RAB3D: variants seen among roughly 807,000 people sequenced by gnomAD.
The protein encoded by RAB3D is RAB3D, member RAS oncogene family.
RAB3D carries 17 observed loss-of-function variants against 19.3 expected under a neutral mutation model. That is an observed-to-expected ratio of 0.88 (90% CI 0.60 to 1.32). The LOEUF (loss-of-function observed/expected upper bound fraction) is 1.32, where lower values mean the gene tolerates loss of function less well. Ranked by LOEUF, RAB3D falls within the 40% of genes most tolerant of loss-of-function variation. RAB3D has a pLI of 0.00. For missense variants in RAB3D, 223 were observed against 299.1 expected (o/e 0.75, Z 1.88); for synonymous variants, 103 against 119.9 (o/e 0.86, Z 0.92).
At chr19:11,333,425 G>A (rs1187470290) in intron 4 of RAB3D, among the ~76,000 whole-genome samples, 1 of 152,076 alleles carries the variant, frequency 6.6e-6, no homozygotes, top group Non-Finnish European at 1.5e-5. Flanking sequence ...AGTTCAAAGT[G>A]CAGGAAAGGG....
At chr19:11,329,010 C>T (rs1026953704) in intron 4 of RAB3D, among the ~76,000 whole-genome samples, 7 of 150,340 alleles carry the variant, frequency 4.7e-5, no homozygotes, top group South Asian at 2.1e-4. Context: ...TAACTCACTA[C>T]GGCCTTGACT....
chr19:11,327,485 G>A (rs768195318), intron 4 of RAB3D, among the ~76,000 whole-genome samples: 9 of 152,160 alleles, frequency 5.9e-5, no homozygotes, highest in South Asian at 2.1e-4. Flanking sequence ...TGCAACCTCC[G>A]TCTCCCGAGT....
At chr19:11,335,960 G>C (rs1300845844) in intron 2 of RAB3D, among the ~76,000 whole-genome samples, 177 bp from the exon 3 acceptor site, 1 of 152,258 alleles carries the variant, frequency 6.6e-6, no homozygotes, top group Non-Finnish European at 1.5e-5. Context: ...ACCCCAGTCT[G>C]ATGGGGGAGG....
Position 11,323,792 on chromosome 19 carries a change from T to C in RAB3D, c.*1606A>G, listed in dbSNP as rs1034784793. 3 of 152,384 alleles carry C rather than the reference T, an allele frequency of 2.0e-5. No individual in the cohort carries two copies. Among genetic ancestry groups the C allele is most frequent in the Admixed American group, 2.0e-4 (3 of 15,292 alleles). 9.4% of individuals were successfully genotyped at this position (152,384 alleles called of 1,614,324 possible). On this transcript the variant is annotated 3_prime_UTR_variant, in exon 5 of 5. Transcript: ENST00000222120. ...GGGCTGGGAGAGCAGACACAACCTC[T>C]GAAACAGAGTCAGGGACGTGGGAAC... is the stretch of plus-strand genomic sequence containing the variant.
intron 2 of RAB3D, among the ~76,000 whole-genome samples, 198 bp downstream of exon 2, chr19:11,336,974 G>GAAA (rs71164191): frequency 2.2e-5 from 2 of 90,238 alleles, no homozygotes; most frequent in Non-Finnish European, 2.3e-5. Context: ...TGTCTCGAGA[G>GAAA]AAAAAAAAAA....
intron 4 of RAB3D, among the ~76,000 whole-genome samples, chr19:11,326,580 A>G (rs73510642): frequency 0.035 from 5,278 of 152,282 alleles, 292 homozygotes; most frequent in African/African-American, 0.12. Flanking sequence ...AGGCATGGTC[A>G]GGAGACCCAT....
At position 11,324,259 on chromosome 19, in the gene RAB3D, G is replaced by GAAA; in HGVS notation, c.*1136_*1138dup. On this transcript the variant is annotated 3_prime_UTR_variant, in exon 5 of 5. Transcript: ENST00000222120. Reference sequence around the variant, plus strand: ...TGACAGAGCCAGACCATCTCAAAAAGAAAAAAAAAAAAAAAGAAGTGACTC... The same window carrying GAAA: ...TGACAGAGCCAGACCATCTCAAAAAGAAAAAAAAAAAAAAAAAAGAAGTGACTC... 3.0e-5 allele frequency: 3 copies of GAAA among 101,022 alleles called. No homozygotes were observed. Among genetic ancestry groups the GAAA allele is most frequent in the Non-Finnish European group, 6.4e-5 (3 of 47,058 alleles). 6.3% of individuals were successfully genotyped at this position (101,022 alleles called of 1,614,324 possible).
At chr19:11,335,635 A>C (rs1282886451) in intron 3 of RAB3D, 30 bp downstream of exon 3, 6 of 1,613,770 alleles carry the variant, frequency 3.7e-6, no homozygotes, top group Admixed American at 1.7e-5. Flanking sequence ...GAGGGCAAAG[A>C]TCAGGGGTCC....
intron 4 of RAB3D, 36 bp downstream of exon 4, chr19:11,335,411 G>T (rs1487712378): frequency 6.2e-7 from 1 of 1,611,670 alleles, no homozygotes; most frequent in Middle Eastern, 1.7e-4. Context: ...TTTGGTTCTG[G>T]GAGACCAGGG....
chr19:11,332,816 A>C (rs1040041435), intron 4 of RAB3D, among the ~76,000 whole-genome samples: 2 of 151,958 alleles, frequency 1.3e-5, no homozygotes, highest in Non-Finnish European at 2.9e-5. Flanking sequence ...GGCCGGGACT[A>C]TAAAAACCAA....
At position 11,339,589 on chromosome 19, in the gene RAB3D, C is replaced by G. The variant is rs1966931205; in HGVS notation, c.-182G>C. 1 of 152,398 alleles carries G rather than the reference C, an allele frequency of 6.6e-6. No homozygotes were observed. Among genetic ancestry groups the G allele is most frequent in the South Asian group, 2.1e-4 (1 of 4,836 alleles). 9.4% of individuals were successfully genotyped at this position (152,398 alleles called of 1,614,324 possible). On this transcript the variant is annotated 5_prime_UTR_variant, in exon 1 of 5. Coordinates refer to ENST00000222120, the MANE Select transcript of RAB3D (RefSeq NM_004283.4). ...GCTGCGGCTTGGCCCTGGCCGCGAC[C>G]CCGACCCCGCAGCCGCAGAAGCCAG... is the stretch of plus-strand genomic sequence containing the variant.
chr19:11,326,850 TC>T, intron 4 of RAB3D: 3 of 645,918 alleles, frequency 4.6e-6, no homozygotes, highest in Admixed American at 2.3e-5. Flanking sequence ...CCTAAAGCGA[TC>T]CCCCCGCCTA....
In RAB3D at chr19:11,326,873, G is replaced by A. The variant is rs762649435; in HGVS notation, c.473-1288C>T. On this transcript the variant is annotated intron_variant, in intron 4 of 4. Coordinates refer to ENST00000222120, the MANE Select transcript of RAB3D (RefSeq NM_004283.4). ...GATCCCCCCGCCTAGGCCTCCCAAA[G>A]TGCTGGGTTTACCAGCGTGAGCCAC... 11 of 609,628 alleles carry A rather than the reference G, an allele frequency of 1.8e-5. No individual in the cohort carries two copies. In the African/African-American group the frequency reaches 2.1e-4, roughly 11 times the overall value. 37.8% of individuals were successfully genotyped at this position (609,628 alleles called of 1,614,324 possible).
At chr19:11,328,675 G>T (rs1384109720) in intron 4 of RAB3D, among the ~76,000 whole-genome samples, 2 of 151,668 alleles carry the variant, frequency 1.3e-5, no homozygotes, top group Non-Finnish European at 2.9e-5. Context: ...ATATTAGCCA[G>T]GTGTGGTGGC....
intron 2 of RAB3D, 117 bp from the exon 3 acceptor site, chr19:11,335,900 G>T: frequency 1.1e-6 from 1 of 926,318 alleles, no homozygotes; most frequent in Non-Finnish European, 1.7e-6. Context: ...ACACAGACTT[G>T]CTTGTACAAC....
intron 4 of RAB3D, among the ~76,000 whole-genome samples, chr19:11,332,513 T>C (rs903989474): frequency 1.2e-4 from 18 of 152,260 alleles, no homozygotes; most frequent in African/African-American, 4.3e-4. Flanking sequence ...CTTAGCTAAT[T>C]TTTGCATTTT....
In RAB3D at chr19:11,339,533, C is replaced by A. The variant is rs1397138184; in HGVS notation, c.-126G>T. 6.6e-6 allele frequency: 1 copy of A among 152,386 alleles called. No homozygotes were observed. The highest frequency in any genetic ancestry group is 1.5e-5 in the Non-Finnish European group (1 of 68,194). 9.4% of individuals were successfully genotyped at this position (152,386 alleles called of 1,614,324 possible). On this transcript the variant is annotated 5_prime_UTR_variant, in exon 1 of 5. Coordinates refer to ENST00000222120, the MANE Select transcript of RAB3D (RefSeq NM_004283.4). ...CCCAGGGGTGACCTCGCGTAGGGGG[C>A]GCCGCCTGCAGGGGTTCCGCCTGTG...
intron 1 of RAB3D, among the ~76,000 whole-genome samples, chr19:11,338,472 C>A (rs1270968851): frequency 2.0e-5 from 3 of 152,178 alleles, no homozygotes; most frequent in African/African-American, 7.2e-5. Context: ...CAGGTGTCAG[C>A]CACTGGGGCG....
At chr19:11,332,857 A>G (rs1028841982) in intron 4 of RAB3D, among the ~76,000 whole-genome samples, 1 of 152,106 alleles carries the variant, frequency 6.6e-6, no homozygotes, top group Admixed American at 6.6e-5. Context: ...TCAAAAAAAA[A>G]AAGTGTTAAG....
Sources: allele counts gnomAD v4.1 joint callset (sites outside exome capture counted in the v4.1 genomes callset), GRCh38; gene constraint gnomAD v4.1.1; transcripts MANE v1.5; gene names NCBI Gene and HGNC (gene_info 2026-07-23, HGNC 2026-07-21).